Variants in NELL2 observed in about 807,000 individuals in gnomAD.
NELL2 encodes neural EGFL like 2.
A neutral mutation model predicts 109.6 loss-of-function variants in NELL2; 41 were observed. That is an observed-to-expected ratio of 0.37 (90% CI 0.29 to 0.49). The LOEUF (loss-of-function observed/expected upper bound fraction) is 0.49. Among genes scored for constraint, NELL2 ranks in the 20% least tolerant of loss-of-function variants. NELL2 has a pLI of 0.98. For synonymous variants in NELL2, 355 were observed against 344.7 expected (o/e 1.03, Z -0.33); for missense variants, 900 against 1,008.3 (o/e 0.89, Z 1.45).
intron 9 of NELL2, among the ~76,000 whole-genome samples, chr12:44,742,747 A>C (rs961142787): frequency 5.3e-5 from 8 of 152,224 alleles, no homozygotes; most frequent in Non-Finnish European, 1.2e-4. Flanking sequence ...AGAGAAGTTT[A>C]GAGAAAAAAG....
chr12:44,788,826 CA>C (rs1199010301), intron 3 of NELL2, among the ~76,000 whole-genome samples: 1 of 152,120 alleles, frequency 6.6e-6, no homozygotes, highest in Non-Finnish European at 1.5e-5. Context: ...GGGCAGGGCA[CA>C]GGGGGAGTAA....
intron 7 of NELL2, 125 bp from the exon 8 acceptor site, chr12:44,776,275 T>TA: frequency 1.2e-6 from 1 of 825,270 alleles, no homozygotes; most frequent in East Asian, 3.0e-5. Context: ...TATCAACCAC[T>TA]TGCCATAAAC....
chr12:44,706,929 C>T (rs1821831725), intron 11 of NELL2, among the ~76,000 whole-genome samples: 1 of 151,946 alleles, frequency 6.6e-6, no homozygotes, highest in South Asian at 2.1e-4. Flanking sequence ...TATAAACATG[C>T]ATTCTTATAT....
intron 1 of NELL2, among the ~76,000 whole-genome samples, chr12:44,908,240 TAGAAG>T (rs1274125151): frequency 3.3e-5 from 5 of 152,036 alleles, no homozygotes; most frequent in Admixed American, 3.3e-4. Context: ...AGATAAGAAA[TAGAAG>T]AGTTGTATTT....
intron 9 of NELL2, among the ~76,000 whole-genome samples, chr12:44,770,511 C>G (rs11182665): frequency 0.23 from 34,660 of 152,074 alleles, 4,165 homozygotes; most frequent in African/African-American, 0.27. Flanking sequence ...AGTAAGTCCA[C>G]TTTAACTAAA....
Position 44,520,125 on chromosome 12 carries a change from G to A in NELL2, c.2280C>T (p.Cys760=). The A allele has an allele frequency of 6.2e-7, 1 of 1,614,094 alleles. No individual in the cohort carries two copies. The highest frequency in any genetic ancestry group is 1.1e-5 in the South Asian group (1 of 91,074). Reference sequence around the variant, plus strand: ...TGTCATTGCGGATGGTGTCAGCCTGGCAAGGGTCTGTGACACAGCGCGGGC... The same window carrying A: ...TGTCATTGCGGATGGTGTCAGCCTGACAAGGGTCTGTGACACAGCGCGGGC... ...ECCPRCVTDP[C]QADTIRNDIT... Residue 760 remains cysteine (C), a synonymous_variant, in exon 19 of 20, where the codon TGC becomes TGT. Transcript: ENST00000429094.
intron 15 of NELL2, among the ~76,000 whole-genome samples, chr12:44,582,746 G>A (rs1019205370): frequency 2.6e-5 from 4 of 152,104 alleles, no homozygotes; most frequent in Admixed American, 2.6e-4. Context: ...ATTGTTTGGT[G>A]CTATGGTTTG....
chr12:44,624,113 A>G (rs1946153191), intron 13 of NELL2, among the ~76,000 whole-genome samples: 1 of 152,158 alleles, frequency 6.6e-6, no homozygotes, highest in Non-Finnish European at 1.5e-5. Flanking sequence ...CTGCACATGT[A>G]CCCTAGAACT....
intron 9 of NELL2, among the ~76,000 whole-genome samples, chr12:44,767,258 T>A (rs1029659428): frequency 6.6e-6 from 1 of 152,314 alleles, no homozygotes; most frequent in South Asian, 2.1e-4. Flanking sequence ...CCATTGACTA[T>A]TTCTCATTAA....
chr12:44,854,972 C>T (rs1944641619), intron 2 of NELL2, among the ~76,000 whole-genome samples: 2 of 151,876 alleles, frequency 1.3e-5, no homozygotes, highest in South Asian at 2.1e-4. Context: ...TAGTAGCCAC[C>T]TTAAAAAAGT....
At chr12:44,566,329 G>T (rs1377809486) in intron 15 of NELL2, among the ~76,000 whole-genome samples, 1 of 151,900 alleles carries the variant, frequency 6.6e-6, no homozygotes, top group Non-Finnish European at 1.5e-5. Context: ...AAATGAAAAC[G>T]GAAAACCTCA....
intron 9 of NELL2, among the ~76,000 whole-genome samples, chr12:44,769,381 A>T (rs1010042169): frequency 6.6e-6 from 1 of 152,174 alleles, no homozygotes; most frequent in Non-Finnish European, 1.5e-5. Flanking sequence ...CCTGGGAAAT[A>T]ACAAAATTAG....
At chr12:44,509,644 AG>A (rs1215393827) in intron 19 of NELL2, among the ~76,000 whole-genome samples, 2 of 152,208 alleles carry the variant, frequency 1.3e-5, no homozygotes, top group African/African-American at 4.8e-5. Flanking sequence ...TGGAGATACC[AG>A]ATCTGCCAGG....
intron 9 of NELL2, among the ~76,000 whole-genome samples, chr12:44,766,707 G>A (rs143354610): frequency 2.0e-5 from 3 of 152,222 alleles, no homozygotes; most frequent in African/African-American, 7.2e-5. Context: ...TTATTTCAAA[G>A]CCTTATGATA....
intron 11 of NELL2, among the ~76,000 whole-genome samples, chr12:44,708,139 C>A (rs1937989034): frequency 6.6e-6 from 1 of 152,150 alleles, no homozygotes; most frequent in Non-Finnish European, 1.5e-5. Context: ...TCAGAATCCT[C>A]ACTGAATCAC....
chr12:44,655,044 G>T (rs1271312010), intron 13 of NELL2, among the ~76,000 whole-genome samples: 1 of 152,112 alleles, frequency 6.6e-6, no homozygotes, highest in Non-Finnish European at 1.5e-5. Context: ...TACACTCCGG[G>T]CATGTATAAT....
chr12:44,876,946 G>T, upstream of NELL2: 1 of 1,191,626 alleles, frequency 8.4e-7, no homozygotes, highest in Non-Finnish European at 1.1e-6. Flanking sequence ...TCCCCGGCGC[G>T]GAGAGCTTCC....
At position 44,624,994 on chromosome 12, in the gene NELL2, G is replaced by GTATATATATA. The variant is rs759847225; in HGVS notation, c.1445-14025_1445-14024insTATATATATA. 2.7e-4 allele frequency among the ~76,000 whole-genome samples: 32 copies of GTATATATATA among 118,686 alleles called. 2 individuals carry two copies. Among genetic ancestry groups the GTATATATATA allele is most frequent in the East Asian group, 8.4e-4 (3 of 3,568 alleles). 77.9% of individuals were successfully genotyped at this position (118,686 alleles called of 152,430 possible). A position where few individuals can be genotyped will look rare whatever the true frequency, so the allele number is the denominator to read the frequency against. On this transcript the variant is annotated intron_variant, in intron 13 of 19. Coordinates refer to ENST00000429094, the MANE Select transcript of NELL2 (RefSeq NM_001145108.2). Reference sequence around the variant, plus strand: ...AGATGACAAATATATATATATGTGTGTGTATATATATATATATATATATAT... The same window carrying GTATATATATA: ...AGATGACAAATATATATATATGTGTGTATATATATATGTATATATATATATATATATATAT...
chr12:44,814,128 C>T (rs1943261075), intron 3 of NELL2, among the ~76,000 whole-genome samples: 1 of 152,142 alleles, frequency 6.6e-6, no homozygotes, highest in East Asian at 1.9e-4. Context: ...CATTGAAATG[C>T]TGCCTGACAA....
Sources: allele counts gnomAD v4.1 joint callset (sites outside exome capture counted in the v4.1 genomes callset), GRCh38; gene constraint gnomAD v4.1.1; transcripts MANE v1.5; gene names NCBI Gene and HGNC (gene_info 2026-07-23, HGNC 2026-07-21).